ACTR3C: variants seen among roughly 807,000 people sequenced by gnomAD.
ACTR3C encodes actin related protein 3C.
Under a neutral mutation model 26.3 loss-of-function variants are expected in ACTR3C, and 18 were observed. That is an observed-to-expected ratio of 0.68 (90% CI 0.47 to 1.01). The LOEUF is 1.01. Among genes scored for constraint, ACTR3C ranks in the 50% least tolerant of loss-of-function variants. The pLI is 0.00. For missense variants in ACTR3C, 184 were observed against 250.7 expected (o/e 0.73, Z 1.80); for synonymous variants, 55 against 94.5 (o/e 0.58, Z 2.42).
chr7:150,314,123 C>T (rs896147119), intron 1 of ACTR3C, among the ~76,000 whole-genome samples: 1 of 152,150 alleles, frequency 6.6e-6, no homozygotes, highest in African/African-American at 2.4e-5. Flanking sequence ...TGGCAGCTTG[C>T]TCATGTGGCA....
chr7:149,976,479 C>T, the ACTR3C span, among the ~76,000 whole-genome samples: 5 of 149,930 alleles, frequency 3.3e-5, no homozygotes, highest in Non-Finnish European at 5.9e-5. Context: ...GAGGCTGAGG[C>T]GGGAGAATGG....
chr7:149,889,472 T>TA, the ACTR3C span, among the ~76,000 whole-genome samples: 1 of 152,314 alleles, frequency 6.6e-6, no homozygotes, highest in South Asian at 2.1e-4. Flanking sequence ...AATTGGCATG[T>TA]ATATTCCCAG....
chr7:150,183,118 G>A, the ACTR3C span, among the ~76,000 whole-genome samples: 1 of 150,916 alleles, frequency 6.6e-6, no homozygotes, highest in African/African-American at 2.5e-5. Flanking sequence ...TAAATGCCAC[G>A]TTAGATGTAC....
chr7:149,980,218 G>T, the ACTR3C span, among the ~76,000 whole-genome samples: 1 of 152,156 alleles, frequency 6.6e-6, no homozygotes, highest in African/African-American at 2.4e-5. Context: ...TGTAAAAGAG[G>T]GTTGAGATGA....
the ACTR3C span, among the ~76,000 whole-genome samples, chr7:150,178,610 G>A: frequency 6.6e-6 from 1 of 150,494 alleles, no homozygotes; most frequent in Non-Finnish European, 1.5e-5. Context: ...TATGAGTTGA[G>A]ACCCATACAC....
At chr7:150,097,649 T>C in the ACTR3C span, among the ~76,000 whole-genome samples, 1 of 151,484 alleles carries the variant, frequency 6.6e-6, no homozygotes, top group African/African-American at 2.4e-5. Context: ...TTGCCCTCTT[T>C]CCTTTTTTCT....
At chr7:150,246,211 G>A (rs550654545), downstream of ACTR3C, 5 of 152,324 alleles carry the variant, frequency 3.3e-5, no homozygotes, top group Admixed American at 1.3e-4. Flanking sequence ...TGTTCTGAAA[G>A]TTCAAGCACA....
At chr7:150,298,693 AG>A in intron 1 of ACTR3C, among the ~76,000 whole-genome samples, 1 of 147,178 alleles carries the variant, frequency 6.8e-6, no homozygotes, top group East Asian at 1.9e-4. Context: ...AACTACTAAA[AG>A]TCTCTCAGTT....
intron 1 of ACTR3C, among the ~76,000 whole-genome samples, chr7:150,303,671 A>C (rs191235093): frequency 3.2e-4 from 48 of 152,312 alleles, no homozygotes; most frequent in African/African-American, 1.1e-3. Context: ...TTTCATCTCT[A>C]TCCACCACTA....
At chr7:150,103,719 CATTT>C in the ACTR3C span, among the ~76,000 whole-genome samples, 2 of 151,866 alleles carry the variant, frequency 1.3e-5, no homozygotes, top group African/African-American at 4.8e-5. Flanking sequence ...ATTGCCTTGT[CATTT>C]ATTTTAGTGA....
the ACTR3C span, among the ~76,000 whole-genome samples, chr7:149,907,667 T>C: frequency 6.6e-6 from 1 of 151,904 alleles, no homozygotes; most frequent in South Asian, 2.1e-4. Flanking sequence ...TGATAATAAC[T>C]GTCTTCGCTT....
chr7:149,956,861 T>A, the ACTR3C span, among the ~76,000 whole-genome samples: 1 of 152,170 alleles, frequency 6.6e-6, no homozygotes, highest in Non-Finnish European at 1.5e-5. Context: ...TATTGGAGGA[T>A]CTGATGGATA....
the ACTR3C span, among the ~76,000 whole-genome samples, chr7:150,003,701 T>C: frequency 6.6e-6 from 1 of 152,220 alleles, no homozygotes; most frequent in South Asian, 2.1e-4. Context: ...TTTGTGTGTG[T>C]GCTGTATGTG....
the ACTR3C span, among the ~76,000 whole-genome samples, chr7:150,007,388 C>A: frequency 6.6e-6 from 1 of 152,170 alleles, no homozygotes; most frequent in Non-Finnish European, 1.5e-5. Context: ...TGGTCTTGAA[C>A]CCTATGCCAG....
the ACTR3C span, among the ~76,000 whole-genome samples, chr7:150,135,853 AGAAAAGGAAAAG>A: frequency 1.3e-5 from 2 of 150,784 alleles, no homozygotes; most frequent in African/African-American, 2.5e-5. Context: ...AAGGGAAGAA[AGAAAAGGAAAAG>A]GAAAAGGAAA....
chr7:150,115,499 G>A, the ACTR3C span, among the ~76,000 whole-genome samples: 5 of 152,158 alleles, frequency 3.3e-5, no homozygotes, highest in Non-Finnish European at 7.4e-5. Flanking sequence ...GTGAGTCTGG[G>A]GACCAGAAGA....
the ACTR3C span, among the ~76,000 whole-genome samples, chr7:150,142,957 C>T: frequency 6.6e-6 from 1 of 151,970 alleles, no homozygotes; most frequent in Non-Finnish European, 1.5e-5. Flanking sequence ...GCCTCAGCCT[C>T]CCCAGTAGCT....
the ACTR3C span, among the ~76,000 whole-genome samples, chr7:150,140,623 C>T: frequency 1.3e-5 from 2 of 152,172 alleles, no homozygotes; most frequent in South Asian, 4.1e-4. Context: ...TTTGATCACA[C>T]ACCTCATTTG....
chr7:150,290,792 A>G (rs1836185969), intron 3 of ACTR3C, among the ~76,000 whole-genome samples: 1 of 152,256 alleles, frequency 6.6e-6, no homozygotes, highest in African/African-American at 2.4e-5. Flanking sequence ...TAAACCCATA[A>G]AAATAATATT....
Sources: allele counts gnomAD v4.1 joint callset (sites outside exome capture counted in the v4.1 genomes callset), GRCh38; gene constraint gnomAD v4.1.1; transcripts MANE v1.5; gene names NCBI Gene and HGNC (gene_info 2026-07-23, HGNC 2026-07-21).